PTPN3: variants seen among roughly 807,000 people sequenced by gnomAD.
PTPN3 encodes tyrosine-protein phosphatase non-receptor type 3.
Under a neutral mutation model 132.7 loss-of-function variants are expected in PTPN3, and 96 were observed. The observed-to-expected ratio is 0.72, with a 90% CI of 0.61 to 0.86. The LOEUF is 0.86. PTPN3 is among the 40% of genes least tolerant of loss of function. The pLI, the probability that PTPN3 is intolerant of heterozygous loss-of-function variation, is 0.00. For missense variants in PTPN3, 1,125 were observed against 1,159.6 expected (o/e 0.97, Z 0.43); for synonymous variants, 398 against 429.0 (o/e 0.93, Z 0.89).
At chr9:109,449,446 A>G in intron 5 of PTPN3, 2 of 985,592 alleles carry the variant, frequency 2.0e-6, no homozygotes, top group South Asian at 4.7e-5. Context: ...AGGACCTCCA[A>G]GCTGAATTCT....
At chr9:109,446,279 T>C (rs973286991) in intron 6 of PTPN3, among the ~76,000 whole-genome samples, 1 of 152,212 alleles carries the variant, frequency 6.6e-6, no homozygotes, top group Non-Finnish European at 1.5e-5. Context: ...ACAGTTTCTA[T>C]GGCAGCCCGT....
Position 109,391,114 on chromosome 9 carries a change from G to C in PTPN3, c.2106+24C>G, listed in dbSNP as rs1384619524. 2.5e-6 allele frequency: 4 copies of C among 1,600,026 alleles called. No homozygotes were observed. In the East Asian group the frequency reaches 8.9e-5, roughly 36 times the overall value. Reference sequence around the variant, plus strand: ...GCGACAGTGGTGAATGTGCTCTTAAGCATCATCCAGATTCCTAACTTACGT... The same window carrying C: ...GCGACAGTGGTGAATGTGCTCTTAACCATCATCCAGATTCCTAACTTACGT... On this transcript the variant is annotated intron_variant, in intron 21 of 25. Coordinates refer to ENST00000374541, the MANE Select transcript of PTPN3 (RefSeq NM_002829.4).
At chr9:109,393,304 G>GATATTTTGAAATTTTTTTTACTCAA (rs1840285739) in intron 19 of PTPN3, among the ~76,000 whole-genome samples, 2 of 150,674 alleles carry the variant, frequency 1.3e-5, no homozygotes, top group African/African-American at 2.4e-5. Flanking sequence ...TTTTCATTAG[G>GATATTTTGAAATTTTTTTTACTCAA]CTGTTTTGAA....
upstream of PTPN3, among the ~76,000 whole-genome samples, chr9:109,500,019 G>T (rs1208545770): frequency 6.6e-6 from 1 of 152,206 alleles, no homozygotes. Flanking sequence ...CCCCCGCAGA[G>T]CTCCACCCAG....
intron 1 of PTPN3, among the ~76,000 whole-genome samples, chr9:109,495,978 C>T (rs933173996): frequency 1.3e-5 from 2 of 152,216 alleles, no homozygotes; most frequent in African/African-American, 4.8e-5. Flanking sequence ...CTGGGGTGCA[C>T]CCCACATCCC....
intron 5 of PTPN3, chr9:109,451,339 A>C: frequency 2.0e-6 from 2 of 976,896 alleles, no homozygotes; most frequent in Non-Finnish European, 1.2e-6. Flanking sequence ...CCCAAATCCC[A>C]GAAGGTCATA....
chr9:109,413,099 C>T (rs1004321618), intron 14 of PTPN3, among the ~76,000 whole-genome samples: 1 of 151,724 alleles, frequency 6.6e-6, no homozygotes, highest in Non-Finnish European at 1.5e-5. Flanking sequence ...GCACCTGCCA[C>T]CAATGCCTGG....
intron 1 of PTPN3, among the ~76,000 whole-genome samples, chr9:109,469,668 G>A (rs551883978): frequency 1.6e-4 from 25 of 151,894 alleles, no homozygotes; most frequent in Non-Finnish European, 3.4e-4. Context: ...TTAAAGTAAG[G>A]GACTTAGGCC....
the PTPN3 span, among the ~76,000 whole-genome samples, chr9:109,537,230 C>T: frequency 6.6e-6 from 1 of 152,118 alleles, no homozygotes; most frequent in South Asian, 2.1e-4. Flanking sequence ...TACATAGCAA[C>T]TTAAACAAGA....
At position 109,410,208 on chromosome 9, in the gene PTPN3, C is replaced by CGG; in HGVS notation, c.1500+19_1500+20dup. On this transcript the variant is annotated intron_variant, in intron 15 of 25. Transcript: ENST00000374541. ...GGAAGCCCTGGGTGTGTGGATCACCCGGCTGCCTGCGCTCGCTCACCTTGT... is the reference window on the plus strand; with the variant it reads ...GGAAGCCCTGGGTGTGTGGATCACCCGGGGCTGCCTGCGCTCGCTCACCTTGT... 8.1e-6 allele frequency: 13 copies of CGG among 1,611,670 alleles called. No individual in the cohort carries two copies. The Middle Eastern group carries it at 1.8e-3, about 225-fold the overall frequency.
At chr9:109,506,356 TC>T in the PTPN3 span, among the ~76,000 whole-genome samples, 1 of 152,128 alleles carries the variant, frequency 6.6e-6, no homozygotes, top group Non-Finnish European at 1.5e-5. Context: ...GGAAAGGTCA[TC>T]CCCTCCCGAA....
chr9:109,500,425 A>T (rs77317758), upstream of PTPN3, among the ~76,000 whole-genome samples: 222 of 152,356 alleles, frequency 1.5e-3, 10 homozygotes, highest in East Asian at 0.036. Context: ...TAAATATTTT[A>T]AAAATCATGC....
upstream of PTPN3, among the ~76,000 whole-genome samples, chr9:109,499,628 T>C (rs1043230482): frequency 6.6e-6 from 1 of 152,198 alleles, no homozygotes; most frequent in African/African-American, 2.4e-5. Context: ...AACGAAGGGA[T>C]GCAGAGATGG....
chr9:109,376,786 C>T lies in PTPN3; in HGVS notation c.*2770G>A, dbSNP rs528705078. The stretch of plus-strand genomic sequence containing the variant: ...GTGGTGAAACAGGAATCTTGAGCTA[C>T]GGATTTTAAGTGGTAATAGCTACAG... On this transcript the variant is annotated 3_prime_UTR_variant, in exon 26 of 26. Transcript: ENST00000374541. 12 of 152,312 alleles carry T rather than the reference C, an allele frequency of 7.9e-5. No individual in the cohort carries two copies. The highest frequency in any genetic ancestry group is 5.8e-4 in the East Asian group (3 of 5,190). 9.4% of individuals were successfully genotyped at this position (152,312 alleles called of 1,614,324 possible).
intron 14 of PTPN3, among the ~76,000 whole-genome samples, chr9:109,418,266 A>G (rs533119167): frequency 1.3e-5 from 2 of 152,370 alleles, no homozygotes; most frequent in South Asian, 2.1e-4. Context: ...GTTCCCCTCA[A>G]TGACCAGCCA....
chr9:109,379,282 A>G lies in PTPN3; in HGVS notation c.*274T>C. 1 of 402,848 alleles carries G rather than the reference A, an allele frequency of 2.5e-6. No individual in the cohort carries two copies. The highest frequency in any genetic ancestry group is 4.5e-6 in the Non-Finnish European group (1 of 222,556). The allele number at this position is 402,848 out of a possible 1,614,324, so 25.0% of individuals were successfully genotyped here. A position where few individuals can be genotyped will look rare whatever the true frequency, so the allele number is the denominator to read the frequency against. ...CGACAGGGGTGTGTGTGGTGATGTTAGGGAAGAAGGCATTAGGACAGGCCC... is the reference window on the plus strand; with the variant it reads ...CGACAGGGGTGTGTGTGGTGATGTTGGGGAAGAAGGCATTAGGACAGGCCC... On this transcript the variant is annotated 3_prime_UTR_variant, in exon 26 of 26. Transcript: ENST00000374541.
the PTPN3 span, among the ~76,000 whole-genome samples, chr9:109,512,630 G>A: frequency 6.6e-5 from 10 of 152,190 alleles, no homozygotes; most frequent in African/African-American, 2.4e-4. Flanking sequence ...GAAACACCAA[G>A]CACAGGATTT....
intron 5 of PTPN3, chr9:109,450,667 A>T (rs1313209535): frequency 1.0e-6 from 1 of 984,956 alleles, no homozygotes; most frequent in Non-Finnish European, 1.2e-6. Flanking sequence ...TTCTGCAAAG[A>T]ATGATCTAAA....
intron 19 of PTPN3, among the ~76,000 whole-genome samples, chr9:109,393,638 C>T (rs549109801): frequency 9.3e-4 from 141 of 152,168 alleles, no homozygotes; most frequent in African/African-American, 3.2e-3. Context: ...CCACACACCT[C>T]GGCCTCTGAA....
Sources: allele counts gnomAD v4.1 joint callset (sites outside exome capture counted in the v4.1 genomes callset), GRCh38; gene constraint gnomAD v4.1.1; transcripts MANE v1.5; gene names NCBI Gene and HGNC (gene_info 2026-07-23, HGNC 2026-07-21).